MED13L: variants seen among roughly 807,000 people sequenced by gnomAD.
MED13L encodes mediator complex subunit 13L.
A neutral mutation model predicts 220.9 loss-of-function variants in MED13L; 7 were observed. The observed-to-expected ratio is 0.03, with a 90% CI of 0.02 to 0.06. MED13L has a LOEUF of 0.06. Among genes scored for constraint, MED13L ranks in the 10% least tolerant of loss-of-function variants. The probability of loss-of-function intolerance (pLI) is 1.00; values close to 1 mark genes in which losing one functional copy is unlikely to be tolerated. For missense variants in MED13L, 1,965 were observed against 2,760.5 expected (o/e 0.71, Z 6.46); for synonymous variants, 1,011 against 1,015.2 (o/e 1.00, Z 0.08).
chr12:115,987,663 G>GT (rs1342197779), intron 17 of MED13L, among the ~76,000 whole-genome samples: 1 of 152,120 alleles, frequency 6.6e-6, no homozygotes, highest in African/African-American at 2.4e-5. Flanking sequence ...AAATATCAAT[G>GT]TTTTGTTTAT....
chr12:116,230,503 C>G, intron 2 of MED13L: 12 of 983,912 alleles, frequency 1.2e-5, no homozygotes, highest in Non-Finnish European at 1.4e-5. Flanking sequence ...TGGTATCATT[C>G]ATGTTTTCAA....
intron 10 of MED13L, 92 bp from the exon 11 acceptor site, chr12:116,007,728 ACCGATATAG>A: frequency 9.8e-7 from 1 of 1,021,686 alleles, no homozygotes; most frequent in Non-Finnish European, 1.5e-6. Flanking sequence ...CTAAAAATTC[ACCGATATAG>A]TGATTTGCTT....
intron 4 of MED13L, among the ~76,000 whole-genome samples, chr12:116,076,367 T>C (rs1025020742): frequency 6.6e-6 from 1 of 151,982 alleles, no homozygotes. Context: ...TAGGACTCTA[T>C]CTCTACAATA....
Position 115,961,410 on chromosome 12 carries a change from AAC to A in MED13L, c.6501-14_6501-13del. 6.2e-7 allele frequency: 1 copy of A among 1,613,328 alleles called. No individual in the cohort carries two copies. Among genetic ancestry groups the A allele is most frequent in the Admixed American group, 1.7e-5 (1 of 60,032 alleles). The stretch of plus-strand genomic sequence containing the variant: ...GCTCCAAAACAAACCTGCCAAAGAG[AAC>A]ACACAGAGCAGGGGCGTGAGCCTCA... On this transcript the variant is annotated splice_polypyrimidine_tract_variant and intron_variant, in intron 30 of 30. Coordinates refer to ENST00000281928, the MANE Select transcript of MED13L (RefSeq NM_015335.5).
intron 1 of MED13L, among the ~76,000 whole-genome samples, chr12:116,269,794 G>T: frequency 6.6e-6 from 1 of 152,124 alleles, no homozygotes; most frequent in East Asian, 1.9e-4. Context: ...GTTTTAATTA[G>T]ATTCTACACC....
At position 115,963,903 on chromosome 12, in the gene MED13L, C is replaced by A. The variant is rs142740239; in HGVS notation, c.6388-384G>T. Reference sequence around the variant, plus strand: ...TCATTTTCTTTTTCTGAATTAAACACAAATATTACCATCTCTATAAAACAT... The same window carrying A: ...TCATTTTCTTTTTCTGAATTAAACAAAAATATTACCATCTCTATAAAACAT... On this transcript the variant is annotated intron_variant, in intron 29 of 30. Coordinates refer to ENST00000281928, the MANE Select transcript of MED13L (RefSeq NM_015335.5). Among the ~76,000 whole-genome samples the A allele has an allele frequency of 2.5e-3, 380 of 152,032 alleles. 1 individual carries two copies. The highest frequency in any genetic ancestry group is 8.5e-3 in the African/African-American group (351 of 41,460).
intron 2 of MED13L, among the ~76,000 whole-genome samples, chr12:116,149,145 T>C (rs1273543544): frequency 6.6e-6 from 1 of 152,190 alleles, no homozygotes; most frequent in Non-Finnish European, 1.5e-5. Flanking sequence ...CTTATTACTA[T>C]GTCATGTTTT....
At chr12:116,200,871 A>G (rs1225468851) in intron 2 of MED13L, among the ~76,000 whole-genome samples, 1 of 152,200 alleles carries the variant, frequency 6.6e-6, no homozygotes, top group Non-Finnish European at 1.5e-5. Flanking sequence ...GACATAGTAG[A>G]TCGGGTAGCT....
At chr12:116,132,899 G>C (rs1013982353) in intron 2 of MED13L, among the ~76,000 whole-genome samples, 1 of 151,692 alleles carries the variant, frequency 6.6e-6, no homozygotes, top group Non-Finnish European at 1.5e-5. Context: ...GTGACAAAGC[G>C]AGACTCTGTC....
At chr12:116,144,072 T>C (rs1006719445) in intron 2 of MED13L, among the ~76,000 whole-genome samples, 5 of 152,126 alleles carry the variant, frequency 3.3e-5, no homozygotes, top group African/African-American at 1.2e-4. Flanking sequence ...TGCCCCTGTG[T>C]TCCATACACA....
At chr12:116,031,745 GAA>G (rs1409097071) in intron 4 of MED13L, among the ~76,000 whole-genome samples, 605 of 47,648 alleles carry the variant, frequency 0.013, 21 homozygotes, top group African/African-American at 0.032. Context: ...GAAAAGAAAA[GAA>G]AAGAAAAGAA....
intron 2 of MED13L, among the ~76,000 whole-genome samples, chr12:116,189,204 T>C (rs963213377): frequency 2.0e-5 from 3 of 152,170 alleles, no homozygotes; most frequent in Non-Finnish European, 4.4e-5. Context: ...TTTTAGTCAT[T>C]CTGTCAGGTG....
At chr12:116,011,812 C>T (rs1299653427) in intron 9 of MED13L, among the ~76,000 whole-genome samples, 2 of 152,192 alleles carry the variant, frequency 1.3e-5, no homozygotes, top group Non-Finnish European at 2.9e-5. Flanking sequence ...CAAGGCAGAG[C>T]TCGATAAAGA....
intron 13 of MED13L, among the ~76,000 whole-genome samples, chr12:116,003,796 TA>T (rs1159525034): frequency 6.6e-4 from 101 of 152,298 alleles, no homozygotes; most frequent in African/African-American, 2.3e-3. Flanking sequence ...CATTGAAATG[TA>T]AAATTAAAAT....
intron 30 of MED13L, among the ~76,000 whole-genome samples, chr12:115,962,121 T>A (rs963637930): frequency 1.3e-5 from 2 of 152,342 alleles, no homozygotes; most frequent in East Asian, 3.9e-4. Flanking sequence ...TATTTTAATG[T>A]GGCTAACAGA....
intron 2 of MED13L, among the ~76,000 whole-genome samples, chr12:116,196,113 T>TTA (rs1456729867): frequency 6.6e-6 from 1 of 151,842 alleles, no homozygotes; most frequent in Admixed American, 6.6e-5. Context: ...AAAGAAAAAA[T>TTA]TACACTGAAT....
intron 17 of MED13L, among the ~76,000 whole-genome samples, chr12:115,989,599 T>C (rs920514692): frequency 6.6e-6 from 1 of 152,158 alleles, no homozygotes; most frequent in Non-Finnish European, 1.5e-5. Flanking sequence ...TTGATACCTC[T>C]ACCTGGATAT....
At chr12:116,095,787 T>C (rs577823078) in intron 4 of MED13L, among the ~76,000 whole-genome samples, 15 of 152,294 alleles carry the variant, frequency 9.8e-5, no homozygotes, top group Non-Finnish European at 2.1e-4. Flanking sequence ...CATTCAGAGG[T>C]AGCCAAAGTA....
At chr12:115,998,882 C>T (rs536315799) in intron 14 of MED13L, among the ~76,000 whole-genome samples, 3 of 152,122 alleles carry the variant, frequency 2.0e-5, no homozygotes, top group South Asian at 2.1e-4. Context: ...AAAGTACCTG[C>T]TGCTTCTAAA....
Sources: allele counts gnomAD v4.1 joint callset (sites outside exome capture counted in the v4.1 genomes callset), GRCh38; gene constraint gnomAD v4.1.1; transcripts MANE v1.5; gene names NCBI Gene and HGNC (gene_info 2026-07-23, HGNC 2026-07-21).